SSH2: variants seen among roughly 807,000 people sequenced by gnomAD.
SSH2 encodes slingshot protein phosphatase 2.
Under a neutral mutation model 135.2 loss-of-function variants are expected in SSH2, and 37 were observed. The observed-to-expected ratio is 0.27, with a 90% CI of 0.21 to 0.36. The LOEUF (loss-of-function observed/expected upper bound fraction) is 0.36, where lower values mean the gene tolerates loss of function less well. SSH2 is among the 10% of genes least tolerant of loss of function. The pLI is 1.00. For synonymous variants in SSH2, 628 were observed against 646.2 expected (o/e 0.97, Z 0.43); for missense variants, 1,408 against 1,765.3 (o/e 0.80, Z 3.63).
At chr17:29,897,789 C>G (rs1306421601) in intron 1 of SSH2, among the ~76,000 whole-genome samples, 1 of 152,194 alleles carries the variant, frequency 6.6e-6, no homozygotes, top group African/African-American at 2.4e-5. Context: ...TAATAGACAT[C>G]TACAGAACTC....
chr17:29,638,079 A>G (rs958357282), intron 14 of SSH2, among the ~76,000 whole-genome samples: 1 of 151,820 alleles, frequency 6.6e-6, no homozygotes. Context: ...GCACCAATGC[A>G]CTCCAGCCTG....
chr17:29,871,149 T>G (rs1031400482), intron 1 of SSH2, among the ~76,000 whole-genome samples: 1 of 152,088 alleles, frequency 6.6e-6, no homozygotes, highest in African/African-American at 2.4e-5. Flanking sequence ...AGTCACGGGA[T>G]AGGTCTAACT....
chr17:29,768,450 C>A (rs2041498648), intron 3 of SSH2, among the ~76,000 whole-genome samples: 1 of 151,964 alleles, frequency 6.6e-6, no homozygotes, highest in Non-Finnish European at 1.5e-5. Flanking sequence ...TAACACCACA[C>A]CTGTCGAGAC....
chr17:29,768,565 C>G (rs1017423276), intron 3 of SSH2, among the ~76,000 whole-genome samples: 1 of 151,950 alleles, frequency 6.6e-6, no homozygotes, highest in Non-Finnish European at 1.5e-5. Flanking sequence ...AATCATCATG[C>G]CTGGCTGGTA....
At chr17:29,835,185 T>C (rs2042922408) in intron 2 of SSH2, among the ~76,000 whole-genome samples, 2 of 152,180 alleles carry the variant, frequency 1.3e-5, no homozygotes, top group South Asian at 4.1e-4. Context: ...TCAGAAAAAC[T>C]GCATCACACT....
At chr17:29,674,213 T>C (rs1217434443) in intron 8 of SSH2, 1 of 453,608 alleles carries the variant, frequency 2.2e-6, no homozygotes, top group African/African-American at 2.0e-5. Flanking sequence ...CAGAGGAAAA[T>C]GTGTCAGTCC....
intron 1 of SSH2, among the ~76,000 whole-genome samples, chr17:29,884,786 A>C (rs1567630152): frequency 6.6e-6 from 1 of 152,096 alleles, no homozygotes; most frequent in African/African-American, 2.4e-5. Flanking sequence ...TCTGTAATCT[A>C]TCTCATCCTG....
At chr17:29,686,126 G>A (rs554052222) in intron 5 of SSH2, among the ~76,000 whole-genome samples, 1 of 152,154 alleles carries the variant, frequency 6.6e-6, no homozygotes, top group African/African-American at 2.4e-5. Context: ...GGGGTTTACA[G>A]GCGTGAGCCA....
rs934817076 is a variant in SSH2 at position 29,630,924 on chromosome 17, G to A, written c.4270C>T (p.His1424Tyr). The change falls in exon 16 of 16, where the codon CAC becomes TAC. Residue 1424 changes from histidine to tyrosine, a missense_variant. Physicochemically the swap from His to Tyr is moderately conservative, Grantham distance 83. This residue lies in a region of SSH2 where 1,080 missense variants were observed against 1,144.5 expected (regional missense o/e 0.94). Coordinates refer to ENST00000540801, the MANE Select transcript of SSH2 (RefSeq NM_001282129.2). ...CTCCTAAGGGGGTGAGTTCTGCCGT[G>A]TTGCTGACGGGGTGCCACGGCCAGC... ...PGLAVAPRQQ[H>Y]GRTHPLRRLK... is the part of the protein sequence containing the mutation. 6.2e-7 allele frequency: 1 copy of A among 1,609,068 alleles called. No homozygotes were observed. The highest frequency in any genetic ancestry group is 8.5e-7 in the Non-Finnish European group (1 of 1,175,790).
intron 2 of SSH2, among the ~76,000 whole-genome samples, chr17:29,843,970 T>C (rs1289280839): frequency 1.3e-5 from 2 of 152,216 alleles, no homozygotes; most frequent in Non-Finnish European, 1.5e-5. Flanking sequence ...TGCAGATCTA[T>C]AGTCTAAAAA....
At chr17:29,763,771 C>A (rs1391002721) in intron 3 of SSH2, among the ~76,000 whole-genome samples, 2 of 152,104 alleles carry the variant, frequency 1.3e-5, no homozygotes, top group African/African-American at 2.4e-5. Flanking sequence ...TATAGCGACG[C>A]CCCAGAAGTG....
At chr17:29,846,040 A>ATT (rs34670451) in intron 2 of SSH2, among the ~76,000 whole-genome samples, 18 of 142,444 alleles carry the variant, frequency 1.3e-4, no homozygotes, top group African/African-American at 4.4e-4. Context: ...AAACTGAACA[A>ATT]TTTTTTTTTT....
intron 3 of SSH2, among the ~76,000 whole-genome samples, chr17:29,709,389 T>C (rs1451921595): frequency 6.6e-6 from 1 of 152,084 alleles, no homozygotes; most frequent in Non-Finnish European, 1.5e-5. Flanking sequence ...AAAAGTAGAG[T>C]ACAGGGGCTG....
intron 4 of SSH2, among the ~76,000 whole-genome samples, chr17:29,697,425 GA>G (rs142419011): frequency 2.6e-5 from 4 of 151,032 alleles, no homozygotes; most frequent in East Asian, 1.9e-4. Flanking sequence ...GAGGCAGGAA[GA>G]AAAAAAAATA....
chr17:29,745,289 A>C (rs2040722523), intron 3 of SSH2, among the ~76,000 whole-genome samples: 1 of 151,770 alleles, frequency 6.6e-6, no homozygotes. Context: ...CCTCCCGAGT[A>C]GCGGGGATTA....
At chr17:29,889,336 C>T (rs1223133448) in intron 1 of SSH2, among the ~76,000 whole-genome samples, 2 of 152,138 alleles carry the variant, frequency 1.3e-5, no homozygotes, top group South Asian at 2.1e-4. Flanking sequence ...ATCCTAGCTA[C>T]TTGGGAGGCT....
intron 5 of SSH2, among the ~76,000 whole-genome samples, chr17:29,694,341 T>C (rs1015840148): frequency 6.6e-6 from 1 of 152,216 alleles, no homozygotes; most frequent in Non-Finnish European, 1.5e-5. Context: ...ACTACAACAG[T>C]GCAGGAATGA....
intron 15 of SSH2, among the ~76,000 whole-genome samples, chr17:29,635,175 T>C (rs543246043): frequency 6.6e-6 from 1 of 152,204 alleles, no homozygotes; most frequent in South Asian, 2.1e-4. Context: ...GCACTGGGAT[T>C]ACAGGCGTGA....
rs552335673 is a variant in SSH2, at chr17:29,668,752, G to A, written c.810-1529C>T. 3.3e-5 allele frequency among the ~76,000 whole-genome samples: 5 copies of A among 151,728 alleles called. No homozygotes were observed. The East Asian group carries it at 9.8e-4, about 30-fold the overall frequency. On this transcript the variant is annotated intron_variant, in intron 9 of 15. Transcript: ENST00000540801. The stretch of plus-strand genomic sequence containing the variant: ...ACTCTGTCTCAAGGAAAAACAAAAA[G>A]GTAAAAACAAATTTTAGTACCTGTG...
Sources: gnomAD v4.1 joint callset for allele counts (sites outside exome capture counted in the v4.1 genomes callset) on GRCh38, gnomAD v4.1.1 for gene constraint, gnomAD v4.1.1 regional missense constraint, MANE v1.5 for transcripts, NCBI Gene and HGNC (gene_info 2026-07-23, HGNC 2026-07-21) for gene names.